The following CTNND2 variants were observed in gnomAD, a reference collection of about 807,000 sequenced individuals.
CTNND2 encodes catenin delta-2.
A neutral mutation model predicts 144.4 loss-of-function variants in CTNND2; 22 were observed. That is an observed-to-expected ratio of 0.15 (90% CI 0.11 to 0.22). The LOEUF (loss-of-function observed/expected upper bound fraction) is 0.22, where lower values mean the gene tolerates loss of function less well. Among genes scored for constraint, CTNND2 ranks in the 10% least tolerant of loss-of-function variants. The pLI is 1.00. For missense variants in CTNND2, 1,353 were observed against 1,618.8 expected (o/e 0.84, Z 2.82); for synonymous variants, 751 against 695.6 (o/e 1.08, Z -1.25).
At chr5:11,516,789 G>A (rs541728711) in intron 3 of CTNND2, among the ~76,000 whole-genome samples, 1 of 151,902 alleles carries the variant, frequency 6.6e-6, no homozygotes, top group Non-Finnish European at 1.5e-5. Context: ...CAAGATTTCA[G>A]GTGTTCTTTT....
intron 18 of CTNND2, among the ~76,000 whole-genome samples, chr5:11,008,928 C>A (rs908493593): frequency 6.6e-6 from 1 of 152,172 alleles, no homozygotes; most frequent in Non-Finnish European, 1.5e-5. Flanking sequence ...CGGGGCAATA[C>A]AGAGATTCAG....
At chr5:11,558,078 A>C (rs898472879) in intron 3 of CTNND2, among the ~76,000 whole-genome samples, 2 of 152,216 alleles carry the variant, frequency 1.3e-5, no homozygotes, top group Admixed American at 1.3e-4. Context: ...AAATCTAGAA[A>C]TCCATAGCGA....
intron 9 of CTNND2, among the ~76,000 whole-genome samples, chr5:11,269,914 G>T (rs577391171): frequency 6.6e-6 from 1 of 152,038 alleles, no homozygotes; most frequent in Non-Finnish European, 1.5e-5. Flanking sequence ...AAAAAAACAC[G>T]GAGCCTTGAA....
At chr5:11,845,008 G>T (rs1044161011) in intron 1 of CTNND2, among the ~76,000 whole-genome samples, 1 of 152,062 alleles carries the variant, frequency 6.6e-6, no homozygotes, top group African/African-American at 2.4e-5. Context: ...ACTCTAACTG[G>T]AGTCCCTTAC....
chr5:11,327,074 T>C (rs1352530334), intron 9 of CTNND2, among the ~76,000 whole-genome samples: 1 of 152,168 alleles, frequency 6.6e-6, no homozygotes, highest in Non-Finnish European at 1.5e-5. Flanking sequence ...ATGAAGTGCC[T>C]ATGTCCAGGG....
chr5:11,214,254 T>C (rs975750098), intron 10 of CTNND2, among the ~76,000 whole-genome samples: 35 of 152,246 alleles, frequency 2.3e-4, no homozygotes, highest in African/African-American at 8.4e-4. Flanking sequence ...TTAAAATCTT[T>C]CATGCATGAA....
chr5:11,501,327 T>G (rs1770500783), intron 3 of CTNND2, among the ~76,000 whole-genome samples: 2 of 152,154 alleles, frequency 1.3e-5, no homozygotes, highest in African/African-American at 4.8e-5. Flanking sequence ...GGATTATCTC[T>G]CTCCAGATAT....
chr5:11,260,836 G>A (rs532039306), intron 9 of CTNND2, among the ~76,000 whole-genome samples: 1 of 152,266 alleles, frequency 6.6e-6, no homozygotes, highest in East Asian at 1.9e-4. Context: ...CAATCATTAA[G>A]GGGGTAACAT....
intron 5 of CTNND2, among the ~76,000 whole-genome samples, chr5:11,407,528 A>T (rs1761191066): frequency 6.6e-6 from 1 of 152,216 alleles, no homozygotes; most frequent in East Asian, 1.9e-4. Flanking sequence ...TTTTAATCAG[A>T]CCTTTGAAAG....
intron 9 of CTNND2, among the ~76,000 whole-genome samples, chr5:11,303,126 TC>T (rs1259227178): frequency 6.6e-6 from 1 of 152,218 alleles, no homozygotes; most frequent in African/African-American, 2.4e-5. Flanking sequence ...CTCAGAAACT[TC>T]CTTTCTCTTC....
intron 2 of CTNND2, among the ~76,000 whole-genome samples, chr5:11,673,288 T>G (rs189025013): frequency 6.6e-6 from 1 of 152,284 alleles, no homozygotes; most frequent in Admixed American, 6.5e-5. Context: ...TTGCTGTAGA[T>G]TTTCACTTCC....
At chr5:11,411,766 G>A in intron 4 of CTNND2, 114 bp from the exon 5 acceptor site, 1 of 752,146 alleles carries the variant, frequency 1.3e-6, no homozygotes, top group Non-Finnish European at 2.1e-6. Flanking sequence ...CCTCTATGAA[G>A]TTTTCATTAG....
intron 1 of CTNND2, among the ~76,000 whole-genome samples, chr5:11,832,842 G>A (rs576393008): frequency 6.6e-6 from 1 of 152,284 alleles, no homozygotes; most frequent in African/African-American, 2.4e-5. Context: ...TCAGGAGGCT[G>A]AGGCAGGAGG....
chr5:11,825,478 G>C (rs934226367), intron 1 of CTNND2, among the ~76,000 whole-genome samples: 1 of 151,980 alleles, frequency 6.6e-6, no homozygotes. Flanking sequence ...CTAACCTATG[G>C]GTAACTGGAC....
rs903616276 is a variant in CTNND2, at chr5:11,203,516, C to T, written c.1762-3855G>A. ...GGAGTGCAGTGGCGCGATCTTGGCT[C>T]ACTGCAACCTCCGCCTCCAGGGTTC... On this transcript the variant is annotated intron_variant, in intron 10 of 21. Coordinates refer to ENST00000304623, the MANE Select transcript of CTNND2 (RefSeq NM_001332.4). 2.0e-5 allele frequency among the ~76,000 whole-genome samples: 3 copies of T among 152,282 alleles called. No homozygotes were observed. The East Asian group carries it at 5.8e-4, about 29-fold the overall frequency.
At chr5:11,415,465 G>T (rs1761865504) in intron 3 of CTNND2, among the ~76,000 whole-genome samples, 1 of 151,942 alleles carries the variant, frequency 6.6e-6, no homozygotes, top group Non-Finnish European at 1.5e-5. Context: ...AATTAGCAAG[G>T]TTTGTTGGTG....
chr5:11,719,980 G>A (rs975681203), intron 2 of CTNND2, among the ~76,000 whole-genome samples: 3 of 151,966 alleles, frequency 2.0e-5, no homozygotes, highest in African/African-American at 4.8e-5. Flanking sequence ...GGCAATGGAC[G>A]AAGCCAGTGC....
At chr5:11,422,831 CTTATA>C (rs1762478187) in intron 3 of CTNND2, among the ~76,000 whole-genome samples, 2 of 152,168 alleles carry the variant, frequency 1.3e-5, no homozygotes, top group African/African-American at 4.8e-5. Flanking sequence ...GTTCATTGTA[CTTATA>C]TTACAAGAGA....
At chr5:11,437,662 T>G (rs61755480) in intron 3 of CTNND2, among the ~76,000 whole-genome samples, 1 of 152,082 alleles carries the variant, frequency 6.6e-6, no homozygotes, top group African/African-American at 2.4e-5. Context: ...AAGAGTAAGT[T>G]TGGGACAGAG....
Sources: allele counts gnomAD v4.1 joint callset (sites outside exome capture counted in the v4.1 genomes callset), GRCh38; gene constraint gnomAD v4.1.1; transcripts MANE v1.5; gene names NCBI Gene and HGNC (gene_info 2026-07-23, HGNC 2026-07-21).